Variants in MICAL2 observed in about 807,000 individuals in gnomAD.
The protein encoded by MICAL2 is microtubule associated monooxygenase, calponin and LIM domain containing 2, also known as [F-actin]-monooxygenase MICAL2.
MICAL2 carries 77 observed loss-of-function variants against 127.3 expected under a neutral mutation model. That is an observed-to-expected ratio of 0.60 (90% CI 0.50 to 0.73). The LOEUF (loss-of-function observed/expected upper bound fraction) is 0.73, where lower values mean the gene tolerates loss of function less well. Among genes scored for constraint, MICAL2 ranks in the 30% least tolerant of loss-of-function variants. The probability of loss-of-function intolerance (pLI) is 0.00; values close to 1 mark genes in which losing one functional copy is unlikely to be tolerated. For synonymous variants in MICAL2, 570 were observed against 551.1 expected, an observed-to-expected ratio of 1.03 and a Z score of -0.48; for missense variants, 1,351 against 1,434.4, an observed-to-expected ratio of 0.94 and a Z score of 0.94.
intron 2 of MICAL2, 22 bp from the exon 3 acceptor site, chr11:12,162,057 C>G: frequency 6.5e-7 from 1 of 1,549,776 alleles, no homozygotes; most frequent in Non-Finnish European, 8.8e-7. Flanking sequence ...AAGCTGACCT[C>G]TGCCTCCCCC....
chr11:12,114,814 C>G (rs1455852381), intron 1 of MICAL2, among the ~76,000 whole-genome samples: 1 of 152,204 alleles, frequency 6.6e-6, no homozygotes, highest in Admixed American at 6.5e-5. Context: ...AATAGAAGAA[C>G]TATCTGCTGC....
At position 12,110,701 on chromosome 11, in the gene MICAL2, G is replaced by T. The variant is rs1002053142; in HGVS notation, c.-174G>T. ...CCAGGGCCGAGGCAGGCCTGACCCG[G>T]GGCCGGGCAGCCCGCGCGACTTTCG... is the stretch of plus-strand genomic sequence containing the variant. On this transcript the variant is annotated 5_prime_UTR_variant, in exon 1 of 28. Transcript: ENST00000683283. The surrounding 1 kb of genome is among the most constrained non-coding windows in gnomAD (Gnocchi z 4.5). The T allele has an allele frequency of 2.6e-5, 4 of 151,636 alleles. No individual in the cohort carries two copies. The highest frequency in any genetic ancestry group is 6.6e-5 in the Admixed American group (1 of 15,236). 9.4% of individuals were successfully genotyped at this position (151,636 alleles called of 1,614,324 possible).
chr11:12,311,056 G>A (rs527300734), intron 29 of MICAL2, among the ~76,000 whole-genome samples: 3 of 152,016 alleles, frequency 2.0e-5, no homozygotes, highest in Non-Finnish European at 2.9e-5. Flanking sequence ...AATTTACTAA[G>A]TTTATCAGTT....
At chr11:12,232,223 G>A (rs1858387353) in intron 15 of MICAL2, among the ~76,000 whole-genome samples, 1 of 152,180 alleles carries the variant, frequency 6.6e-6, no homozygotes, top group African/African-American at 2.4e-5. Context: ...GTTCTGTACT[G>A]CAACCACAAT....
chr11:12,228,503 G>T (rs548912748), intron 15 of MICAL2, among the ~76,000 whole-genome samples: 2 of 152,306 alleles, frequency 1.3e-5, no homozygotes, highest in East Asian at 3.9e-4. Flanking sequence ...GAAGTAATGT[G>T]AGCCTTGACC....
At chr11:12,291,085 G>A (rs1189456350), downstream of MICAL2, among the ~76,000 whole-genome samples, 1 of 152,188 alleles carries the variant, frequency 6.6e-6, no homozygotes, top group African/African-American at 2.4e-5. Context: ...AGTTGAACAA[G>A]AGAGTGGACT....
chr11:12,242,146 T>A, intron 18 of MICAL2, 68 bp from the exon 19 acceptor site: 2 of 1,285,928 alleles, frequency 1.6e-6, no homozygotes, highest in South Asian at 3.0e-5. Context: ...TCATGGGGGA[T>A]CCCTCATGGT....
At chr11:12,355,017 C>G (rs1405357528) in intron 34 of MICAL2, among the ~76,000 whole-genome samples, 1 of 152,196 alleles carries the variant, frequency 6.6e-6, no homozygotes, top group Non-Finnish European at 1.5e-5. Context: ...ACCACAAGCC[C>G]CATTTAGCCT....
At position 12,222,627 on chromosome 11, in the gene MICAL2, T is replaced by C; in HGVS notation, c.1333T>C (p.Tyr445His). 6.2e-7 allele frequency: 1 copy of C among 1,614,232 alleles called. No homozygotes were observed. The highest frequency in any genetic ancestry group is 8.5e-7 in the Non-Finnish European group (1 of 1,180,042). Residue 445 changes from tyrosine (Y) to histidine (H), a missense_variant, in exon 11 of 28, where the codon TAC becomes CAC. By Grantham distance (83) the Tyr-to-His change is moderately conservative (BLOSUM62 2). Around this residue, in one of 2 missense-constraint regions of MICAL2, gnomAD observed 599 missense variants for 714.9 expected, o/e 0.84. Transcript: ENST00000683283. ...LELLAERESL[Y>H]RLLPQTTPEN... is the part of the protein sequence containing the mutation. Reference sequence around the variant, plus strand: ...TCCGCCTCCCTCCAGGGAAAGTCTCTACCGGCTGTTACCTCAGACAACCCC... The same window carrying C: ...TCCGCCTCCCTCCAGGGAAAGTCTCCACCGGCTGTTACCTCAGACAACCCC...
In MICAL2 at chr11:12,319,746, G is replaced by T. The variant is rs746761084; in HGVS notation, c.5263G>T (p.Ala1755Ser). The change falls in exon 30 of 35, where the codon GCC (alanine) becomes TCC (serine). Residue 1755 changes from alanine to serine, a missense_variant. Transcript: ENST00000646065. The stretch of plus-strand genomic sequence containing the variant: ...ACAGGTAACAGAGGCTTCCTCTTCT[G>T]CCTCTTCAACCTCCTCCTCCTCTGC... The T allele has an allele frequency of 3.1e-6, 5 of 1,614,082 alleles. No homozygotes were observed. In the South Asian group the frequency reaches 5.5e-5, roughly 18 times the overall value.
At chr11:12,327,858 T>C (rs1018165689) in intron 32 of MICAL2, among the ~76,000 whole-genome samples, 7 of 150,936 alleles carry the variant, frequency 4.6e-5, no homozygotes, top group Admixed American at 1.3e-4. Context: ...GAGAAATATA[T>C]GGGTATTGGA....
intron 33 of MICAL2, among the ~76,000 whole-genome samples, chr11:12,352,126 CA>C (rs762022241): frequency 9.3e-4 from 141 of 152,300 alleles, no homozygotes; most frequent in South Asian, 4.1e-3. Flanking sequence ...TACTGAGATT[CA>C]GGGCAACTAA....
chr11:12,272,750 A>C (rs1272565128), upstream of MICAL2, among the ~76,000 whole-genome samples: 3 of 152,216 alleles, frequency 2.0e-5, no homozygotes, highest in Non-Finnish European at 2.9e-5. Context: ...TCCAGGCTAT[A>C]GCTTGGCTCC....
intron 3 of MICAL2, among the ~76,000 whole-genome samples, chr11:12,188,807 A>G (rs1007051481): frequency 2.0e-5 from 3 of 152,218 alleles, no homozygotes; most frequent in Non-Finnish European, 4.4e-5. Flanking sequence ...TTAGGACTCA[A>G]TGAAATTGAA....
At chr11:12,181,903 T>G (rs1857527295) in intron 3 of MICAL2, among the ~76,000 whole-genome samples, 1 of 152,226 alleles carries the variant, frequency 6.6e-6, no homozygotes, top group African/African-American at 2.4e-5. Flanking sequence ...TTTACTAACC[T>G]CTAACTGAAA....
chr11:12,179,450 C>T (rs1176106648), intron 3 of MICAL2, among the ~76,000 whole-genome samples: 1 of 152,220 alleles, frequency 6.6e-6, no homozygotes, highest in East Asian at 1.9e-4. Context: ...CCCACCTAAA[C>T]TCCCACTGGA....
At chr11:12,180,348 TA>T (rs769314767) in intron 3 of MICAL2, among the ~76,000 whole-genome samples, 2 of 127,516 alleles carry the variant, frequency 1.6e-5, no homozygotes, top group South Asian at 3.0e-4. Context: ...TATATGTATA[TA>T]TTTTTTTTTT....
intron 29 of MICAL2, among the ~76,000 whole-genome samples, chr11:12,319,526 A>C (rs1864267919): frequency 6.6e-6 from 1 of 151,898 alleles, no homozygotes; most frequent in Non-Finnish European, 1.5e-5. Flanking sequence ...GGAGGGCCAA[A>C]TTTTCAGTTG....
chr11:12,293,659 G>A (rs1342867252), downstream of MICAL2: 2 of 1,613,970 alleles, frequency 1.2e-6, no homozygotes, highest in Non-Finnish European at 1.7e-6. Context: ...GAGCACCCAG[G>A]GAAATTCCCC....
Sources: allele counts gnomAD v4.1 joint callset (sites outside exome capture counted in the v4.1 genomes callset), GRCh38; gene constraint gnomAD v4.1.1; regional missense constraint gnomAD v4.1.1; non-coding constraint Gnocchi (gnomAD v3.1); transcripts MANE v1.5; gene names NCBI Gene and HGNC (gene_info 2026-07-23, HGNC 2026-07-21).